Variants in TNNI3K observed in about 807,000 individuals in gnomAD.
TNNI3K encodes serine/threonine-protein kinase TNNI3K.
Under a neutral mutation model 114.5 loss-of-function variants are expected in TNNI3K, and 140 were observed. The ratio of observed to expected loss-of-function variants is 1.22; its 90% CI spans 1.07 to 1.41. The LOEUF (loss-of-function observed/expected upper bound fraction) is 1.41. Ranked by LOEUF, TNNI3K falls within the 40% of genes most tolerant of loss-of-function variation. The pLI, the probability that TNNI3K is intolerant of heterozygous loss-of-function variation, is 0.00. For missense variants in TNNI3K, 1,125 were observed against 1,007.6 expected, an observed-to-expected ratio of 1.12 and a Z score of -1.58; for synonymous variants, 347 against 347.5, an observed-to-expected ratio of 1.00 and a Z score of 0.02.
Position 74,522,393 on chromosome 1 carries a change from T to G in TNNI3K, c.2352-17841T>G, listed in dbSNP as rs564730380. Among the ~76,000 whole-genome samples the G allele has an allele frequency of 5.3e-5, 8 of 152,252 alleles. No homozygotes were observed. The South Asian group carries it at 1.7e-3, about 32-fold the overall frequency. On this transcript the variant is annotated intron_variant, in intron 23 of 24. Transcript: ENST00000326637. The stretch of plus-strand genomic sequence containing the variant: ...GCAGCAGCTCAGATTACCCGTTCCC[T>G]AGACAGGATTTCCTTTCAGCTTGGT...
chr1:74,415,746 T>TC lies in TNNI3K; in HGVS notation c.1773-20334_1773-20333insC, dbSNP rs200724488. On this transcript the variant is annotated intron_variant, in intron 17 of 24. Transcript: ENST00000326637. ...AGACTAAATTTTCTTTGTTTTTTTT[T>TC]TCCCCAGTGATTTGAACAATATATA... is the stretch of plus-strand genomic sequence containing the variant. Among the ~76,000 whole-genome samples, 76 of 148,946 alleles carry TC rather than the reference T, an allele frequency of 5.1e-4. No homozygotes were observed. In the East Asian group the frequency reaches 0.014, roughly 27 times the overall value.
In TNNI3K at chr1:74,267,835, A is replaced by G. The variant is rs540914144; in HGVS notation, c.334-3763A>G. On this transcript the variant is annotated intron_variant, in intron 4 of 24. Transcript: ENST00000326637. ...ATTTGCCCATTCTGAAGGAATCCTAATATACTTTAAAAAAATTCCACAAAT... is the reference window on the plus strand; with the variant it reads ...ATTTGCCCATTCTGAAGGAATCCTAGTATACTTTAAAAAAATTCCACAAAT... Among the ~76,000 whole-genome samples the G allele has an allele frequency of 5.3e-5, 8 of 152,028 alleles. No homozygotes were observed. In the South Asian group the frequency reaches 6.2e-4, roughly 12 times the overall value.
intron 4 of TNNI3K, among the ~76,000 whole-genome samples, chr1:74,251,920 C>T (rs1358865952): frequency 6.6e-6 from 1 of 152,142 alleles, no homozygotes; most frequent in African/African-American, 2.4e-5. Flanking sequence ...GCTAAATTGT[C>T]TTTAGTACCT....
At position 74,457,119 on chromosome 1, in the gene TNNI3K, G is replaced by A. The variant is rs578205407; in HGVS notation, c.2012-6322G>A. 1.7e-4 allele frequency among the ~76,000 whole-genome samples: 26 copies of A among 152,200 alleles called. 1 individual carries two copies. In the South Asian group the frequency reaches 4.1e-3, roughly 24 times the overall value. On this transcript the variant is annotated intron_variant, in intron 20 of 24. Transcript: ENST00000326637. ...ACAAGCGGCAGGAAAATAGGAGTGA[G>A]CTAAATTTCTGAAATCTTATGTTTA... is the stretch of plus-strand genomic sequence containing the variant.
chr1:74,286,643 C>G (rs1657351439), intron 5 of TNNI3K, among the ~76,000 whole-genome samples: 1 of 151,340 alleles, frequency 6.6e-6, no homozygotes, highest in Non-Finnish European at 1.5e-5. Context: ...CCCATGAACC[C>G]ACTGACCTAG....
chr1:74,305,346 T>G (rs191798734), intron 5 of TNNI3K, among the ~76,000 whole-genome samples: 145 of 152,274 alleles, frequency 9.5e-4, no homozygotes, highest in African/African-American at 3.2e-3. Flanking sequence ...TTTTGGAACA[T>G]GCTTTCAGGA....
chr1:74,331,579 A>C (rs1389526194), intron 6 of TNNI3K, 31 bp downstream of exon 6: 2 of 1,587,480 alleles, frequency 1.3e-6, no homozygotes, highest in Admixed American at 1.7e-5. Flanking sequence ...TCCAAAGGTT[A>C]GGTGTTGCTT....
chr1:74,278,395 C>T lies in TNNI3K; in HGVS notation c.444+6687C>T, dbSNP rs115748685. Among the ~76,000 whole-genome samples, 1,153 of 152,284 alleles carry T rather than the reference C, an allele frequency of 7.6e-3. 14 individuals carry two copies. Among genetic ancestry groups the T allele is most frequent in the African/African-American group, 0.025 (1,054 of 41,566 alleles). On this transcript the variant is annotated intron_variant, in intron 5 of 24. Transcript: ENST00000326637. ...CTTCTCTCCTGATCCAAACAGTAACCTCTCAGCTCACCTGACCAGAATTTA... is the reference window on the plus strand; with the variant it reads ...CTTCTCTCCTGATCCAAACAGTAACTTCTCAGCTCACCTGACCAGAATTTA...
intron 3 of TNNI3K, 64 bp from the exon 4 acceptor site, chr1:74,250,608 A>T: frequency 6.7e-7 from 1 of 1,490,340 alleles, no homozygotes; most frequent in East Asian, 2.4e-5. Context: ...CATTAGGTCA[A>T]AAAGAGTCTC....
At chr1:74,273,471 C>T (rs1178450166) in intron 5 of TNNI3K, among the ~76,000 whole-genome samples, 2 of 152,068 alleles carry the variant, frequency 1.3e-5, no homozygotes, top group Admixed American at 6.6e-5. Flanking sequence ...TCTAGTAAAA[C>T]ATGATCAACC....
intron 5 of TNNI3K, among the ~76,000 whole-genome samples, chr1:74,276,147 G>A (rs1372659297): frequency 1.3e-5 from 2 of 152,066 alleles, no homozygotes; most frequent in Non-Finnish European, 2.9e-5. Context: ...CTCCACACAT[G>A]TTGATTTTCT....
chr1:74,476,333 C>T (rs1440521766), intron 21 of TNNI3K, among the ~76,000 whole-genome samples: 1 of 152,140 alleles, frequency 6.6e-6, no homozygotes, highest in East Asian at 1.9e-4. Flanking sequence ...TCCTCAACCA[C>T]CTAAATGTTC....
chr1:74,238,355 C>T (rs1653984655), intron 2 of TNNI3K, among the ~76,000 whole-genome samples: 1 of 151,830 alleles, frequency 6.6e-6, no homozygotes, highest in Admixed American at 6.6e-5. Flanking sequence ...AATCACCTCA[C>T]AGGATATTTT....
At chr1:74,247,535 A>G (rs767699483) in intron 2 of TNNI3K, among the ~76,000 whole-genome samples, 20 of 152,148 alleles carry the variant, frequency 1.3e-4, no homozygotes, top group South Asian at 6.2e-4. Context: ...ATTTGGCCCC[A>G]CCCACATCCT....
chr1:74,470,108 C>T (rs1358342001), intron 21 of TNNI3K: 2 of 400,678 alleles, frequency 5.0e-6, no homozygotes, highest in East Asian at 3.6e-5. Flanking sequence ...ATATTTTGAA[C>T]TTCTCTAAAA....
chr1:74,274,815 A>G (rs1656570278), intron 5 of TNNI3K, among the ~76,000 whole-genome samples: 4 of 152,088 alleles, frequency 2.6e-5, no homozygotes, highest in Admixed American at 2.6e-4. Context: ...AGCTGACATT[A>G]AATGTGCTCA....
chr1:74,275,216 A>G (rs1427280304), intron 5 of TNNI3K, among the ~76,000 whole-genome samples: 1 of 152,076 alleles, frequency 6.6e-6, no homozygotes, highest in Non-Finnish European at 1.5e-5. Flanking sequence ...CTGGACTTAC[A>G]GTTCCACATG....
At chr1:74,491,533 C>A (rs1264486944) in intron 22 of TNNI3K, among the ~76,000 whole-genome samples, 1 of 152,180 alleles carries the variant, frequency 6.6e-6, no homozygotes, top group African/African-American at 2.4e-5. Context: ...AGCCACCACA[C>A]CCAGCCAAGT....
chr1:74,252,396 G>C (rs1654982650), intron 4 of TNNI3K, among the ~76,000 whole-genome samples: 1 of 152,112 alleles, frequency 6.6e-6, no homozygotes. Context: ...ATAAGAAAAT[G>C]CATAGTTATT....
Sources: gnomAD v4.1 joint callset for allele counts (sites outside exome capture counted in the v4.1 genomes callset) on GRCh38, gnomAD v4.1.1 for gene constraint, MANE v1.5 for transcripts, NCBI Gene and HGNC (gene_info 2026-07-23, HGNC 2026-07-21) for gene names.